The following SEMA6A variants were observed in gnomAD, a reference collection of about 807,000 sequenced individuals.
SEMA6A encodes semaphorin 6A.
Under a neutral mutation model 96.8 loss-of-function variants are expected in SEMA6A, and 25 were observed. The observed-to-expected ratio is 0.26, with a 90% CI of 0.19 to 0.36. SEMA6A has a LOEUF of 0.36. SEMA6A is among the 10% of genes least tolerant of loss of function. SEMA6A has a pLI of 1.00. For synonymous variants in SEMA6A, 612 were observed against 518.0 expected (o/e 1.18, Z -2.46); for missense variants, 1,363 against 1,323.1 (o/e 1.03, Z -0.47).
intron 1 of SEMA6A, among the ~76,000 whole-genome samples, chr5:116,520,482 A>G (rs1758880115): frequency 6.6e-6 from 1 of 152,182 alleles, no homozygotes; most frequent in South Asian, 2.1e-4. Context: ...CTCTAAAAAA[A>G]GAGTATCAGG....
intron 1 of SEMA6A, among the ~76,000 whole-genome samples, chr5:116,571,309 G>A (rs561026499): frequency 2.6e-5 from 4 of 152,084 alleles, no homozygotes; most frequent in East Asian, 3.9e-4. Flanking sequence ...AATGATTTTC[G>A]GTATCTGCTT....
intron 7 of SEMA6A, among the ~76,000 whole-genome samples, chr5:116,490,097 C>T (rs1333307095): frequency 6.6e-6 from 1 of 152,040 alleles, no homozygotes; most frequent in Non-Finnish European, 1.5e-5. Flanking sequence ...AAACAAAGAT[C>T]TCGATGTCTG....
At chr5:116,456,465 A>ACAAT (rs1357525956) in intron 18 of SEMA6A, among the ~76,000 whole-genome samples, 1 of 152,250 alleles carries the variant, frequency 6.6e-6, no homozygotes, top group African/African-American at 2.4e-5. Flanking sequence ...TATTGGAAAG[A>ACAAT]CAATCAAATT....
chr5:116,473,141 C>T, intron 16 of SEMA6A, 48 bp from the exon 17 acceptor site: 1 of 1,555,792 alleles, frequency 6.4e-7, no homozygotes, highest in Non-Finnish European at 8.7e-7. Context: ...TTACGCTCTG[C>T]TTGGGGCGAC....
chr5:116,544,960 C>T (rs548583683), intron 1 of SEMA6A, among the ~76,000 whole-genome samples: 2 of 152,228 alleles, frequency 1.3e-5, no homozygotes, highest in South Asian at 4.2e-4. Flanking sequence ...ACTTTCCTTC[C>T]AGTCCTAATC....
chr5:116,503,350 G>A (rs1289863455), intron 2 of SEMA6A, among the ~76,000 whole-genome samples: 9 of 152,078 alleles, frequency 5.9e-5, no homozygotes, highest in African/African-American at 2.2e-4. Context: ...TTATTTACAA[G>A]GGAGCTTGGT....
rs1220263204 is a variant in SEMA6A, at chr5:116,443,569, C to G, written c.*3044G>C. 6.6e-6 allele frequency: 1 copy of G among 152,556 alleles called. No homozygotes were observed. Among genetic ancestry groups the G allele is most frequent in the Non-Finnish European group, 1.5e-5 (1 of 68,028 alleles). The allele number at this position is 152,556 out of a possible 1,614,324, so 9.5% of individuals were successfully genotyped here. A position where few individuals can be genotyped will look rare whatever the true frequency, so the allele number is the denominator to read the frequency against. ...GACACAAAAGATAATATAGAACAGTCAGGTTTTATTACTTTTAAGTAATAA... is the reference window on the plus strand; with the variant it reads ...GACACAAAAGATAATATAGAACAGTGAGGTTTTATTACTTTTAAGTAATAA... On this transcript the variant is annotated 3_prime_UTR_variant, in exon 19 of 19. Transcript: ENST00000343348.
intron 1 of SEMA6A, among the ~76,000 whole-genome samples, chr5:116,536,855 G>A (rs376406316): frequency 3.5e-5 from 4 of 114,102 alleles, no homozygotes; most frequent in Admixed American, 3.2e-4. Flanking sequence ...TTCAGTCCCC[G>A]TGTGATTTCT....
chr5:116,568,645 A>ACTCC (rs1328526265), intron 1 of SEMA6A, among the ~76,000 whole-genome samples: 1 of 152,002 alleles, frequency 6.6e-6, no homozygotes, highest in African/African-American at 2.4e-5. Context: ...CCTAACTCAG[A>ACTCC]CTCCCTCCAG....
intron 18 of SEMA6A, among the ~76,000 whole-genome samples, chr5:116,464,927 C>T (rs560325926): frequency 1.3e-5 from 2 of 152,130 alleles, no homozygotes; most frequent in Non-Finnish European, 2.9e-5. Context: ...GCAATGGACA[C>T]TTGACTCCTC....
chr5:116,555,901 A>G (rs1206495011), intron 1 of SEMA6A, among the ~76,000 whole-genome samples: 2 of 152,172 alleles, frequency 1.3e-5, no homozygotes, highest in African/African-American at 4.8e-5. Context: ...GTTAGTGAAA[A>G]TCCCTGAGTA....
chr5:116,564,068 C>T (rs1303816236), intron 1 of SEMA6A, among the ~76,000 whole-genome samples: 1 of 152,172 alleles, frequency 6.6e-6, no homozygotes, highest in Non-Finnish European at 1.5e-5. Context: ...CCATGTTATC[C>T]TTTTAATTTA....
chr5:116,533,187 C>A (rs546545837), intron 1 of SEMA6A, among the ~76,000 whole-genome samples: 61 of 152,168 alleles, frequency 4.0e-4, no homozygotes, highest in African/African-American at 1.4e-3. Context: ...CAACTAAATA[C>A]ACACATGTGC....
intron 1 of SEMA6A, among the ~76,000 whole-genome samples, chr5:116,541,344 AT>A (rs2112863352): frequency 6.6e-6 from 1 of 152,290 alleles, no homozygotes; most frequent in East Asian, 1.9e-4. Context: ...CAAAATTCTT[AT>A]TTATTTTTTT....
intron 1 of SEMA6A, among the ~76,000 whole-genome samples, chr5:116,542,886 G>T (rs1319794019): frequency 6.6e-6 from 1 of 152,088 alleles, no homozygotes; most frequent in East Asian, 1.9e-4. Context: ...AATTCCAGAG[G>T]CTGCTACTTC....
intron 18 of SEMA6A, among the ~76,000 whole-genome samples, chr5:116,455,300 C>T (rs2112603222): frequency 6.6e-6 from 1 of 152,274 alleles, no homozygotes; most frequent in South Asian, 2.1e-4. Context: ...TTTTTAAAAG[C>T]CATGCCCTGG....
In SEMA6A at chr5:116,558,524, G is replaced by T. The variant is rs12658703; in HGVS notation, c.-39+15661C>A. On this transcript the variant is annotated intron_variant, in intron 1 of 18. Coordinates refer to ENST00000343348, the MANE Select transcript of SEMA6A (RefSeq NM_020796.5). ...AGGCCGGACTGCGGACTGCAGTGGCGCAATCTCGGCTCACTGCAAGCTCCG... is the reference window on the plus strand; with the variant it reads ...AGGCCGGACTGCGGACTGCAGTGGCTCAATCTCGGCTCACTGCAAGCTCCG... 3.8e-5 allele frequency among the ~76,000 whole-genome samples: 2 copies of T among 52,390 alleles called. 1 individual carries two copies. The highest frequency in any genetic ancestry group is 1.0e-4 in the African/African-American group (2 of 19,724). 34.4% of individuals were successfully genotyped at this position (52,390 alleles called of 152,430 possible).
intron 1 of SEMA6A, among the ~76,000 whole-genome samples, chr5:116,563,510 A>G (rs974932786): frequency 6.6e-6 from 1 of 152,210 alleles, no homozygotes; most frequent in Non-Finnish European, 1.5e-5. Context: ...CTACCTAAAT[A>G]CAGCCTCCAA....
In SEMA6A at chr5:116,504,931, G is replaced by T. The variant is rs374035190; in HGVS notation, c.14C>A (p.Ala5Asp). The T allele has an allele frequency of 2.1e-5, 34 of 1,596,584 alleles. No individual in the cohort carries two copies. In the Admixed American group the frequency reaches 3.8e-4, roughly 18 times the overall value. ...TAGCAGTGTGAAATATAGCAGCAAGGCTTCTGACCTCATAGTAGTTCAGCG... is the reference window on the plus strand; with the variant it reads ...TAGCAGTGTGAAATATAGCAGCAAGTCTTCTGACCTCATAGTAGTTCAGCG... MRSE[A>D]LLLYFTLLHF... Residue 5 changes from alanine (A) to aspartate (D), a missense_variant, in exon 2 of 19, where the codon GCC (alanine) becomes GAC (aspartate). Transcript: ENST00000343348.
Sources: allele counts gnomAD v4.1 joint callset (sites outside exome capture counted in the v4.1 genomes callset), GRCh38; gene constraint gnomAD v4.1.1; transcripts MANE v1.5; gene names NCBI Gene and HGNC (gene_info 2026-07-23, HGNC 2026-07-21).